MIDEAS: variants seen among roughly 807,000 people sequenced by gnomAD.
MIDEAS encodes mitotic deacetylase-associated SANT domain protein.
A neutral mutation model predicts 102.7 loss-of-function variants in MIDEAS; 26 were observed. The ratio of observed to expected loss-of-function variants is 0.25; its 90% CI spans 0.19 to 0.35. MIDEAS has a LOEUF of 0.35. Among genes scored for constraint, MIDEAS ranks in the 10% least tolerant of loss-of-function variants. The probability of loss-of-function intolerance (pLI) is 1.00; values close to 1 mark genes in which losing one functional copy is unlikely to be tolerated. For synonymous variants in MIDEAS, 585 were observed against 591.0 expected, an observed-to-expected ratio of 0.99 and a Z score of 0.15; for missense variants, 1,231 against 1,435.6, an observed-to-expected ratio of 0.86 and a Z score of 2.30.
chr14:73,721,230 C>T, intron 11 of MIDEAS, 67 bp downstream of exon 11: 1 of 1,484,624 alleles, frequency 6.7e-7, no homozygotes. Flanking sequence ...TCTACCCTCC[C>T]TCCCACGCCC....
At chr14:73,788,470 T>C (rs2053839376), upstream of MIDEAS, among the ~76,000 whole-genome samples, 1 of 152,208 alleles carries the variant, frequency 6.6e-6, no homozygotes, top group Non-Finnish European at 1.5e-5. Context: ...TCCCCAGGTC[T>C]GTGTTAATCT....
intron 5 of MIDEAS, 125 bp from the exon 6 acceptor site, chr14:73,727,097 A>G: frequency 8.0e-7 from 1 of 1,256,086 alleles, no homozygotes; most frequent in Non-Finnish European, 1.1e-6. Flanking sequence ...AGGTGTAGGG[A>G]GTCTGGCTTC....
At chr14:73,757,141 G>T (rs1343577254) in intron 1 of MIDEAS, among the ~76,000 whole-genome samples, 1 of 151,774 alleles carries the variant, frequency 6.6e-6, no homozygotes. Flanking sequence ...GTGTGGTGAT[G>T]TGTACCCGTA....
intron 1 of MIDEAS, among the ~76,000 whole-genome samples, chr14:73,781,786 G>A (rs948596621): frequency 4.1e-5 from 6 of 147,104 alleles, no homozygotes; most frequent in Non-Finnish European, 5.9e-5. Flanking sequence ...GGTGGCGCAC[G>A]CCTGTAATCT....
intron 1 of MIDEAS, among the ~76,000 whole-genome samples, chr14:73,743,045 G>C (rs1359853880): frequency 6.6e-6 from 1 of 152,022 alleles, no homozygotes; most frequent in Non-Finnish European, 1.5e-5. Flanking sequence ...AGTTGCCTAC[G>C]GTCACACAGT....
chr14:73,738,247 T>C (rs2053229382), intron 2 of MIDEAS, among the ~76,000 whole-genome samples: 1 of 151,988 alleles, frequency 6.6e-6, no homozygotes, highest in Admixed American at 6.5e-5. Flanking sequence ...AATACAAAAA[T>C]TAGCCAGGCA....
rs1290724135 is a variant in MIDEAS, at chr14:73,738,180, G to A, written c.1449+380C>T. Among the ~76,000 whole-genome samples the A allele has an allele frequency of 4.6e-5, 7 of 152,008 alleles. No homozygotes were observed. In the East Asian group the frequency reaches 1.4e-3, roughly 30 times the overall value. ...TGGGGGGCTGAGGCAGGCAGATCAC[G>A]AGGTCAGGAGTTCGAGACCAGCCTG... On this transcript the variant is annotated intron_variant, in intron 2 of 12. Transcript: ENST00000423556.
chr14:73,725,204 A>T lies in MIDEAS; in HGVS notation c.2574+68T>A, dbSNP rs2053044240. The T allele has an allele frequency of 7.9e-7, 1 of 1,267,664 alleles. No individual in the cohort carries two copies. The highest frequency in any genetic ancestry group is 1.2e-6 in the Non-Finnish European group (1 of 864,664). 78.5% of individuals were successfully genotyped at this position (1,267,664 alleles called of 1,614,324 possible). On this transcript the variant is annotated intron_variant, in intron 9 of 12. Transcript: ENST00000423556. This position sits in a 1 kb window ranked among gnomAD's most constrained non-coding sequence, Gnocchi z 4.1. ...TTTTTAAGAGGGATTGGTCACTGGC[A>T]GAGGGAGCCCCAAAGTCACACAGGC... is the stretch of plus-strand genomic sequence containing the variant.
chr14:73,719,063 G>GC, intron 12 of MIDEAS, 55 bp from the exon 13 acceptor site: 2 of 1,447,606 alleles, frequency 1.4e-6, no homozygotes, highest in Non-Finnish European at 1.8e-6. Flanking sequence ...GGGGCCCCCA[G>GC]CGCGGGTGCG....
intron 11 of MIDEAS, among the ~76,000 whole-genome samples, chr14:73,719,726 G>C (rs1225224323): frequency 2.0e-5 from 3 of 151,726 alleles, no homozygotes; most frequent in African/African-American, 7.3e-5. Context: ...GTAATTCTGT[G>C]GGGCAGCCCG....
chr14:73,773,181 G>T (rs553602259), intron 1 of MIDEAS, among the ~76,000 whole-genome samples: 1 of 151,572 alleles, frequency 6.6e-6, no homozygotes, highest in African/African-American at 2.4e-5. Context: ...TGAGTTACCC[G>T]GATTATCTAT....
chr14:73,782,432 A>C (rs988684366), intron 1 of MIDEAS, among the ~76,000 whole-genome samples: 10 of 152,134 alleles, frequency 6.6e-5, no homozygotes, highest in African/African-American at 2.4e-4. Flanking sequence ...GTGGCATGCA[A>C]TCCTCCTACC....
In MIDEAS at chr14:73,758,935, G is replaced by A. The variant is rs376130879; in HGVS notation, c.-248+828C>T. On this transcript the variant is annotated intron_variant, in intron 1 of 12. Coordinates refer to ENST00000423556, the MANE Select transcript of MIDEAS (RefSeq NM_001367710.1). ...TGGTCCTGCATGTGCGACTTGGGAG[G>A]CGACGTGACCAGCTCCACCAAGCCG... 14 of 152,818 alleles carry A rather than the reference G, an allele frequency of 9.2e-5. 1 individual carries two copies. The highest frequency in any genetic ancestry group is 7.2e-4 in the Admixed American group (11 of 15,314). The allele number at this position is 152,818 out of a possible 1,614,324, so 9.5% of individuals were successfully genotyped here.
intron 2 of MIDEAS, 139 bp from the exon 3 acceptor site, chr14:73,737,436 C>A: frequency 2.1e-6 from 2 of 949,250 alleles, no homozygotes; most frequent in East Asian, 5.3e-5. Context: ...CCAGCCTGGG[C>A]AACATAGTGA....
chr14:73,727,678 T>C (rs1595256841), intron 4 of MIDEAS, 154 bp from the exon 5 acceptor site: 2 of 683,924 alleles, frequency 2.9e-6, no homozygotes, highest in Non-Finnish European at 4.7e-6. Flanking sequence ...CTGCAGCCTG[T>C]CACCTACGAA....
chr14:73,772,813 G>GTGTA (rs2053653388), intron 1 of MIDEAS, among the ~76,000 whole-genome samples: 1 of 143,800 alleles, frequency 7.0e-6, no homozygotes, highest in South Asian at 2.2e-4. Context: ...GTGTGTGTGT[G>GTGTA]TGTGTGTGTG....
rs536936004 is a variant in MIDEAS, at chr14:73,736,512, T to C, written c.1749+486A>G. ...TGGGCGCGGTGGTGGGCGCCTATAG[T>C]CCCAGCTACTCGGGAGGCTGAGGCA... On this transcript the variant is annotated intron_variant, in intron 3 of 12. Coordinates refer to ENST00000423556, the MANE Select transcript of MIDEAS (RefSeq NM_001367710.1). 2.6e-5 allele frequency among the ~76,000 whole-genome samples: 4 copies of C among 151,554 alleles called. No individual in the cohort carries two copies. The South Asian group carries it at 8.3e-4, about 32-fold the overall frequency.
At chr14:73,730,964 C>T (rs1159900250) in intron 3 of MIDEAS, among the ~76,000 whole-genome samples, 1 of 146,880 alleles carries the variant, frequency 6.8e-6, no homozygotes, top group Non-Finnish European at 1.5e-5. Context: ...TCTCAAAAAA[C>T]AAAAAGGAAA....
upstream of MIDEAS, among the ~76,000 whole-genome samples, chr14:73,762,504 GA>G: frequency 6.6e-6 from 1 of 152,330 alleles, no homozygotes; most frequent in Non-Finnish European, 1.5e-5. Context: ...GTGTGCAGGG[GA>G]GGAGGGCTCA....
Sources: allele counts gnomAD v4.1 joint callset (sites outside exome capture counted in the v4.1 genomes callset), GRCh38; gene constraint gnomAD v4.1.1; non-coding constraint Gnocchi (gnomAD v3.1); transcripts MANE v1.5; gene names NCBI Gene and HGNC (gene_info 2026-07-23, HGNC 2026-07-21).